The following KLHDC4 variants were observed in gnomAD, a reference collection of about 807,000 sequenced individuals.
The protein encoded by KLHDC4 is kelch domain containing 4, also known as kelch domain-containing protein 4.
Under a neutral mutation model 62.4 loss-of-function variants are expected in KLHDC4, and 90 were observed. That is an observed-to-expected ratio of 1.44 (90% CI 1.22 to 1.72). The LOEUF is 1.72. KLHDC4 is among the 40% of genes most tolerant of loss of function. The pLI, the probability that KLHDC4 is intolerant of heterozygous loss-of-function variation, is 0.00. For missense variants in KLHDC4, 1,025 were observed against 699.7 expected (o/e 1.47, Z -5.25); for synonymous variants, 386 against 284.4 (o/e 1.36, Z -3.59).
At chr16:87,736,583 G>A (rs564132857) in intron 5 of KLHDC4, among the ~76,000 whole-genome samples, 83 of 152,274 alleles carry the variant, frequency 5.5e-4, no homozygotes, top group Middle Eastern at 6.8e-3. Context: ...GCTTTTCCGA[G>A]TATCAAGTCC....
intron 7 of KLHDC4, among the ~76,000 whole-genome samples, chr16:87,718,758 G>A (rs1239982533): frequency 2.0e-5 from 3 of 151,394 alleles, no homozygotes; most frequent in African/African-American, 4.9e-5. Flanking sequence ...CTTCCCGGCC[G>A]CCATCCTGTC....
chr16:87,723,874 T>C (rs1434799394), intron 7 of KLHDC4, among the ~76,000 whole-genome samples: 2 of 152,240 alleles, frequency 1.3e-5, no homozygotes, highest in African/African-American at 4.8e-5. Context: ...TCTTGCTCTA[T>C]TGCCCAGGCT....
intron 7 of KLHDC4, among the ~76,000 whole-genome samples, chr16:87,715,345 A>C (rs2036735243): frequency 6.6e-6 from 1 of 152,184 alleles, no homozygotes; most frequent in East Asian, 1.9e-4. Flanking sequence ...CGCCCACACC[A>C]ATGTCCTCCC....
chr16:87,762,015 T>C lies in KLHDC4; in HGVS notation c.125A>G (p.His42Arg), dbSNP rs768306571. Residue 42 changes from histidine (H) to arginine (R), a missense_variant, in exon 2 of 12, where the codon CAT becomes CGT. Transcript: ENST00000270583. ...CCTCTTGGCATCGAGTGTCTGGAAA[T>C]GGGCTATGAGCGCTTCCAGGTCTTC... ...EEEDLEALIA[H>R]FQTLDAKRTQ... is the part of the protein sequence containing the mutation. 3.2e-5 allele frequency: 51 copies of C among 1,613,794 alleles called. No homozygotes were observed. The highest frequency in any genetic ancestry group is 4.2e-5 in the Non-Finnish European group (49 of 1,179,962).
rs563387365 is a variant in KLHDC4, at chr16:87,717,286, G to A, written c.760-2713C>T. 1.5e-4 allele frequency among the ~76,000 whole-genome samples: 23 copies of A among 152,346 alleles called. No homozygotes were observed. In the South Asian group the frequency reaches 3.3e-3, roughly 22 times the overall value. On this transcript the variant is annotated intron_variant, in intron 7 of 11. Coordinates refer to ENST00000270583, the MANE Select transcript of KLHDC4 (RefSeq NM_017566.4). ...GGCAATGGATGTGTAAACTGCTACC[G>A]GGTAGTATTGTTTCTAGGCCGTCCC...
chr16:87,741,033 G>T (rs62055590), intron 5 of KLHDC4: 11,278 of 152,174 alleles, frequency 0.074, 580 homozygotes, highest in Non-Finnish European at 0.11. Flanking sequence ...TTGGTCTTGA[G>T]GTCAGCATTG....
intron 5 of KLHDC4, among the ~76,000 whole-genome samples, chr16:87,731,425 G>T (rs957319550): frequency 2.6e-5 from 4 of 151,474 alleles, no homozygotes; most frequent in African/African-American, 7.3e-5. Flanking sequence ...ATAGGCAAAA[G>T]ATTTGATCAG....
chr16:87,733,519 A>C (rs2040764721), intron 5 of KLHDC4, among the ~76,000 whole-genome samples: 1 of 152,170 alleles, frequency 6.6e-6, no homozygotes, highest in South Asian at 2.1e-4. Context: ...GCACCAGGGC[A>C]GGGCCTTAAG....
At chr16:87,760,832 C>A (rs1053429670) in intron 2 of KLHDC4, among the ~76,000 whole-genome samples, 1 of 151,528 alleles carries the variant, frequency 6.6e-6, no homozygotes, top group African/African-American at 2.4e-5. Flanking sequence ...CAGGAGTTCA[C>A]GACCAGCCAG....
intron 9 of KLHDC4, chr16:87,709,893 A>G (rs2035438014): frequency 1.7e-6 from 1 of 579,112 alleles, no homozygotes; most frequent in East Asian, 2.8e-5. Context: ...GCTGGGGCAG[A>G]AAACCCCCCA....
intron 5 of KLHDC4, among the ~76,000 whole-genome samples, chr16:87,744,178 G>A (rs892671851): frequency 6.6e-6 from 1 of 152,102 alleles, no homozygotes; most frequent in African/African-American, 2.4e-5. Flanking sequence ...CACTTTGTGA[G>A]ACCGAGGTGG....
At position 87,755,268 on chromosome 16, in the gene KLHDC4, C is replaced by T; in HGVS notation, c.295G>A (p.Val99Ile). The change falls in exon 4 of 12, where the codon GTC becomes ATC. Residue 99 changes from valine to isoleucine, a missense_variant. Physicochemically the swap from Val to Ile is conservative, Grantham distance 29. Transcript: ENST00000270583. ...QKTFLYNELY[V>I]YNTRKDTWTK... ...CAGGTGTCCTTTCTGGTATTGTAGACATAGAGCTCGTTATACAAAAAAGTC... is the reference window on the plus strand; with the variant it reads ...CAGGTGTCCTTTCTGGTATTGTAGATATAGAGCTCGTTATACAAAAAAGTC... 1 of 1,605,152 alleles carries T rather than the reference C, an allele frequency of 6.2e-7. No homozygotes were observed. Among genetic ancestry groups the T allele is most frequent in the Non-Finnish European group, 8.5e-7 (1 of 1,172,108 alleles).
chr16:87,747,854 T>A (rs1376046848), intron 5 of KLHDC4: 2 of 152,264 alleles, frequency 1.3e-5, no homozygotes, highest in Admixed American at 1.3e-4. Context: ...GCCGCTGCCC[T>A]CCGGCTGAAG....
At chr16:87,730,352 T>C (rs1251853103) in intron 6 of KLHDC4, among the ~76,000 whole-genome samples, 200 bp downstream of exon 6, 5 of 152,210 alleles carry the variant, frequency 3.3e-5, no homozygotes, top group Admixed American at 2.6e-4. Flanking sequence ...AGAATTTCAA[T>C]AGGAATACAG....
intron 6 of KLHDC4, among the ~76,000 whole-genome samples, chr16:87,728,897 C>G (rs939771247): frequency 1.3e-5 from 2 of 152,126 alleles, no homozygotes; most frequent in Non-Finnish European, 2.9e-5. Flanking sequence ...GTATCAGCCT[C>G]CCGAGTGCCT....
At chr16:87,730,986 G>T (rs939397356) in intron 5 of KLHDC4, 2 of 158,760 alleles carry the variant, frequency 1.3e-5, no homozygotes, top group African/African-American at 5.0e-5. Context: ...GCAACAGACA[G>T]AGAAATATCT....
intron 5 of KLHDC4, among the ~76,000 whole-genome samples, chr16:87,747,211 C>T (rs553690159): frequency 3.9e-5 from 6 of 152,322 alleles, no homozygotes; most frequent in East Asian, 3.9e-4. Flanking sequence ...ACCAGCCTGG[C>T]GGGACTTGCT....
chr16:87,744,958 C>A (rs779838521), intron 5 of KLHDC4, among the ~76,000 whole-genome samples: 3 of 145,920 alleles, frequency 2.1e-5, no homozygotes, highest in African/African-American at 7.8e-5. Context: ...TATGCTCACA[C>A]GTGCACACAT....
chr16:87,750,652 A>G (rs958314991), intron 4 of KLHDC4, among the ~76,000 whole-genome samples: 2 of 152,316 alleles, frequency 1.3e-5, no homozygotes, highest in African/African-American at 2.4e-5. Flanking sequence ...GGTGGGGCAG[A>G]CAGTGGTCCT....
Sources: gnomAD v4.1 joint callset for allele counts (sites outside exome capture counted in the v4.1 genomes callset) on GRCh38, gnomAD v4.1.1 for gene constraint, MANE v1.5 for transcripts, NCBI Gene and HGNC (gene_info 2026-07-23, HGNC 2026-07-21) for gene names.